SETD2: variants seen among roughly 807,000 people sequenced by gnomAD.
SETD2 encodes the protein histone-lysine N-methyltransferase SETD2.
A neutral mutation model predicts 242.1 loss-of-function variants in SETD2; 31 were observed. That is an observed-to-expected ratio of 0.13 (90% CI 0.10 to 0.17). The LOEUF (loss-of-function observed/expected upper bound fraction) is 0.17, where lower values mean the gene tolerates loss of function less well. Ranked by LOEUF, SETD2 falls within the 10% of genes least tolerant of loss-of-function variation. The pLI is 1.00. For missense variants in SETD2, 2,481 were observed against 3,046.3 expected (o/e 0.81, Z 4.37); for synonymous variants, 1,006 against 1,066.5 (o/e 0.94, Z 1.11).
chr3:47,093,925 G>A (rs772052786), intron 9 of SETD2, among the ~76,000 whole-genome samples: 3 of 152,042 alleles, frequency 2.0e-5, no homozygotes, highest in South Asian at 2.1e-4. Context: ...AGCTTTCCAC[G>A]TTTATTGGCT....
chr3:47,137,154 T>C (rs2043606615), intron 1 of SETD2, among the ~76,000 whole-genome samples: 1 of 152,120 alleles, frequency 6.6e-6, no homozygotes, highest in South Asian at 2.1e-4. Context: ...TATATTATAG[T>C]ACCTTATTTT....
At chr3:47,086,092 T>A in intron 11 of SETD2, 103 bp downstream of exon 11, 2 of 1,283,218 alleles carry the variant, frequency 1.6e-6, no homozygotes, top group Non-Finnish European at 2.2e-6. Context: ...TTAATACCAA[T>A]GATACAGTGC....
intron 1 of SETD2, among the ~76,000 whole-genome samples, chr3:47,150,920 T>TAA (rs71098458): frequency 8.7e-5 from 12 of 138,524 alleles, no homozygotes; most frequent in Non-Finnish European, 1.9e-4. Context: ...ACCCTATCTT[T>TAA]AAAAAAAAAA....
At chr3:47,075,949 T>C (rs1225347678) in intron 12 of SETD2, among the ~76,000 whole-genome samples, 1 of 152,262 alleles carries the variant, frequency 6.6e-6, no homozygotes, top group East Asian at 1.9e-4. Flanking sequence ...ACTTTCTTCA[T>C]ATTTTCATTC....
At chr3:47,128,586 CAG>C (rs903257848) in intron 1 of SETD2, among the ~76,000 whole-genome samples, 32 of 152,164 alleles carry the variant, frequency 2.1e-4, no homozygotes, top group African/African-American at 7.2e-4. Context: ...CAAGTAATGA[CAG>C]GGGGAGAGGG....
chr3:47,119,814 C>T (rs1231912537), intron 3 of SETD2: 1 of 478,740 alleles, frequency 2.1e-6, no homozygotes, highest in South Asian at 1.6e-5. Context: ...CCAAAGTAAC[C>T]ACTTTTTTCT....
intron 6 of SETD2, among the ~76,000 whole-genome samples, chr3:47,105,270 C>T (rs2042364490): frequency 6.6e-6 from 1 of 151,686 alleles, no homozygotes; most frequent in Admixed American, 6.6e-5. Context: ...ATTAGCTGGG[C>T]ATGATGGTGT....
chr3:47,075,715 A>T (rs1189838058), intron 12 of SETD2, among the ~76,000 whole-genome samples: 1 of 152,198 alleles, frequency 6.6e-6, no homozygotes, highest in African/African-American at 2.4e-5. Context: ...CAGAAGACAT[A>T]AGTCAATTGT....
chr3:47,163,181 GACCACACAA>G (rs2106863699), intron 1 of SETD2, among the ~76,000 whole-genome samples: 1 of 152,316 alleles, frequency 6.6e-6, no homozygotes, highest in African/African-American at 2.4e-5. Context: ...TCAACAACGG[GACCACACAA>G]ACCTCGCCAT....
rs776056138 is a variant in SETD2, at chr3:47,046,477, C to T, written c.7098+10G>A. On this transcript the variant is annotated intron_variant, in intron 16 of 20. Coordinates refer to ENST00000409792, the MANE Select transcript of SETD2 (RefSeq NM_014159.7). ...AGCCAATGAGTTTTAACAACTGAAA[C>T]ATTTCTTACTGGCTGCAAGGGCTGA... 10 of 1,583,214 alleles carry T rather than the reference C, an allele frequency of 6.3e-6. No homozygotes were observed. The highest frequency in any genetic ancestry group is 3.6e-5 in the Admixed American group (2 of 56,148).
intron 1 of SETD2, among the ~76,000 whole-genome samples, chr3:47,155,812 A>G (rs1012021547): frequency 2.0e-5 from 3 of 152,136 alleles, no homozygotes; most frequent in African/African-American, 7.2e-5. Context: ...TCTCACACAC[A>G]CATAAAAAAG....
intron 9 of SETD2, among the ~76,000 whole-genome samples, chr3:47,088,890 T>C (rs553213403): frequency 3.3e-5 from 5 of 152,284 alleles, no homozygotes; most frequent in Admixed American, 6.5e-5. Context: ...AGAATGTTCA[T>C]TGAAGCAATA....
chr3:47,036,484 G>A (rs1160839508), intron 18 of SETD2, among the ~76,000 whole-genome samples: 1 of 152,104 alleles, frequency 6.6e-6, no homozygotes, highest in Non-Finnish European at 1.5e-5. Context: ...AAGCCCAGGA[G>A]GCAGAGGTTG....
Position 47,090,248 on chromosome 3 carries a change from AAAAC to A in SETD2, c.5143-2005_5143-2002del, listed in dbSNP as rs527358829. Among the ~76,000 whole-genome samples, 322 of 152,202 alleles carry A rather than the reference AAAAC, an allele frequency of 2.1e-3. 3 individuals are homozygous for A. Among genetic ancestry groups the A allele is most frequent in the African/African-American group, 6.7e-3 (277 of 41,546 alleles). On this transcript the variant is annotated intron_variant, in intron 9 of 20. Transcript: ENST00000409792. ...AGCGACAGAGTGAGACTCCTTCTCA[AAAAC>A]AAACAAACAAACAAACAAATAAAAG...
At chr3:47,112,632 C>G (rs565903132) in intron 5 of SETD2, among the ~76,000 whole-genome samples, 1 of 152,038 alleles carries the variant, frequency 6.6e-6, no homozygotes, top group Admixed American at 6.5e-5. Context: ...CTCTGTCTCC[C>G]AGGCTAGAGG....
chr3:47,046,403 C>A, intron 16 of SETD2, 84 bp downstream of exon 16: 5 of 1,282,206 alleles, frequency 3.9e-6, no homozygotes, highest in East Asian at 5.4e-5. Context: ...AAAATAAAAC[C>A]CAAAACAAAT....
intron 15 of SETD2, among the ~76,000 whole-genome samples, chr3:47,052,977 C>A (rs1207501542): frequency 6.6e-6 from 1 of 151,880 alleles, no homozygotes; most frequent in African/African-American, 2.4e-5. Context: ...ACAACCTCCA[C>A]CTCCTGGGTT....
chr3:47,155,841 G>T (rs9812293), intron 1 of SETD2, among the ~76,000 whole-genome samples: 5,624 of 148,424 alleles, frequency 0.038, 362 homozygotes, highest in African/African-American at 0.13. Flanking sequence ...TGTTTTTGTT[G>T]TTTTTTTTTT....
In SETD2 at chr3:47,076,990, A is replaced by C. The variant is rs1030703644; in HGVS notation, c.6060+6730T>G. ...GTAGCATAATGAAGGGTTACATGAA[A>C]GGGGAAAAGAATGAGAGCAAGAAGG... On this transcript the variant is annotated intron_variant, in intron 12 of 20. Transcript: ENST00000409792. Among the ~76,000 whole-genome samples, 3 of 152,248 alleles carry C rather than the reference A, an allele frequency of 2.0e-5. No individual in the cohort carries two copies. In the South Asian group the frequency reaches 6.2e-4, roughly 32 times the overall value.
Sources: gnomAD v4.1 joint callset for allele counts (sites outside exome capture counted in the v4.1 genomes callset) on GRCh38, gnomAD v4.1.1 for gene constraint, MANE v1.5 for transcripts, NCBI Gene and HGNC (gene_info 2026-07-23, HGNC 2026-07-21) for gene names.